The following MAP1A variants were observed in gnomAD, a reference collection of about 807,000 sequenced individuals.
MAP1A encodes the protein microtubule associated protein 1A.
In MAP1A, 42 loss-of-function variants were observed where a neutral mutation model predicts 185.9. That is an observed-to-expected ratio of 0.23 (90% CI 0.18 to 0.29). The LOEUF (loss-of-function observed/expected upper bound fraction) is 0.29, where lower values mean the gene tolerates loss of function less well. MAP1A is among the 10% of genes least tolerant of loss of function. The pLI, the probability that MAP1A is intolerant of heterozygous loss-of-function variation, is 1.00. For synonymous variants in MAP1A, 1,229 were observed against 1,335.9 expected, an observed-to-expected ratio of 0.92 and a Z score of 1.74; for missense variants, 2,995 against 3,450.4, an observed-to-expected ratio of 0.87 and a Z score of 3.31.
At chr15:43,511,815 ACCTAGAAT>A (rs941178883) in intron 1 of MAP1A, among the ~76,000 whole-genome samples, 3 of 152,200 alleles carry the variant, frequency 2.0e-5, no homozygotes, top group Admixed American at 2.0e-4. Context: ...CAGAAGGCGA[ACCTAGAAT>A]CCTACTTAGC....
At chr15:43,520,843 T>C (rs1302118350) in intron 2 of MAP1A, 120 bp downstream of exon 2, 1 of 1,298,680 alleles carries the variant, frequency 7.7e-7, no homozygotes, top group Non-Finnish European at 1.1e-6. Flanking sequence ...TGACGTATTG[T>C]CTCCAGCCCA....
At position 43,528,571 on chromosome 15, in the gene MAP1A, C is replaced by G. The variant is rs993370990; in HGVS notation, c.7098C>G (p.Ser2366Arg). Reference protein sequence around the residue: ...DCAANGPTETSPNPPGPAPAK... With the variant: ...DCAANGPTETRPNPPGPAPAK... Reference sequence around the variant, plus strand: ...CAGCCAATGGCCCAACTGAAACCAGCCCTAACCCCCCAGGCCCTGCCCCAG... The same window carrying G: ...CAGCCAATGGCCCAACTGAAACCAGGCCTAACCCCCCAGGCCCTGCCCCAG... The change falls in exon 4 of 6, where the codon AGC (serine) becomes AGG (arginine). Residue 2366 changes from serine (S) to arginine (R), a missense_variant. Physicochemically the swap from Ser to Arg is moderately radical, Grantham distance 110. Transcript: ENST00000300231. The G allele has an allele frequency of 3.1e-6, 5 of 1,613,668 alleles. No homozygotes were observed. The highest frequency in any genetic ancestry group is 1.3e-5 in the African/African-American group (1 of 74,936).
At position 43,529,252 on chromosome 15, in the gene MAP1A, G is replaced by A. The variant is rs200655610; in HGVS notation, c.7779G>A (p.Glu2593=). ...EGLSSESGRV[E]RLREKEKVQG... ...TCAGCTCAGAGTCTGGGAGAGTAGA[G>A]AGGCTACGGGAGAAGGAAAAGGTTC... The change falls in exon 4 of 6, where the codon GAG becomes GAA. Residue 2593 remains glutamate, a synonymous_variant. Coordinates refer to ENST00000300231, the MANE Select transcript of MAP1A (RefSeq NM_002373.6). The surrounding 1 kb of genome is among the most constrained non-coding windows in gnomAD (Gnocchi z 4.3). The A allele has an allele frequency of 4.8e-5, 78 of 1,613,274 alleles. No homozygotes were observed. The highest frequency in any genetic ancestry group is 6.3e-5 in the Non-Finnish European group (74 of 1,179,642).
rs558909225 is a variant in MAP1A, at chr15:43,521,166, G to C, written c.-151+54G>C. The C allele has an allele frequency of 6.6e-7, 1 of 1,507,230 alleles. No individual in the cohort carries two copies. The highest frequency in any genetic ancestry group is 1.3e-5 in the South Asian group (1 of 79,392). 93.4% of individuals were successfully genotyped at this position (1,507,230 alleles called of 1,614,324 possible). A position where few individuals can be genotyped will look rare whatever the true frequency, so the allele number is the denominator to read the frequency against. On this transcript the variant is annotated intron_variant, in intron 3 of 5. Coordinates refer to ENST00000300231, the MANE Select transcript of MAP1A (RefSeq NM_002373.6). This position sits in a 1 kb window ranked among gnomAD's most constrained non-coding sequence, Gnocchi z 4.6. ...AAAGGGTAGCACTAGAGCTGTGGGA[G>C]GGATCTAAGGGAAAGTCTCATATTG...
chr15:43,523,394 A>G lies in MAP1A; in HGVS notation c.1921A>G (p.Arg641Gly). The G allele has an allele frequency of 1.9e-6, 3 of 1,612,704 alleles. No homozygotes were observed. The highest frequency in any genetic ancestry group is 2.5e-6 in the Non-Finnish European group (3 of 1,179,242). The change falls in exon 4 of 6, where the codon AGA becomes GGA. Residue 641 changes from arginine to glycine, a missense_variant. This residue lies in a region of MAP1A where 2,728 missense variants were observed against 2,986.0 expected (regional missense o/e 0.91). Coordinates refer to ENST00000300231, the MANE Select transcript of MAP1A (RefSeq NM_002373.6). ...AERLPDRTEAREESEPEVKED... is the reference protein window; with the variant it reads ...AERLPDRTEAGEESEPEVKED... Reference sequence around the variant, plus strand: ...GAGGCTCCCAGACAGAACAGAAGCCAGAGAGGAAAGTGAACCTGAAGTAAA... The same window carrying G: ...GAGGCTCCCAGACAGAACAGAAGCCGGAGAGGAAAGTGAACCTGAAGTAAA...
chr15:43,518,241 A>G lies in MAP1A; in HGVS notation c.-375+541A>G, dbSNP rs528034241. On this transcript the variant is annotated intron_variant, in intron 1 of 5. Coordinates refer to ENST00000300231, the MANE Select transcript of MAP1A (RefSeq NM_002373.6). ...ACTAAGACGTGGCACGCGCCTCCTT[A>G]CAGACCAACCGGTTTGCAGTGGGCT... Among the ~76,000 whole-genome samples the G allele has an allele frequency of 3.3e-5, 5 of 152,184 alleles. No homozygotes were observed. In the South Asian group the frequency reaches 1.0e-3, roughly 32 times the overall value.
In MAP1A at chr15:43,529,029, CTG is replaced by C. The variant is rs1228257278; in HGVS notation, c.7557_7558del (p.Glu2520GlyfsTer8). ...TCAGATTCTGATGTCCCGCCAGAAA[CTG>C]AGGAGTGTCCGTCCATCACAGCTGA... is the stretch of plus-strand genomic sequence containing the variant. On this transcript the variant is annotated frameshift_variant, in exon 4 of 6. Coordinates refer to ENST00000300231, the MANE Select transcript of MAP1A (RefSeq NM_002373.6). LOFTEE classifies it high-confidence loss of function. The surrounding 1 kb of genome is among the most constrained non-coding windows in gnomAD (Gnocchi z 4.3). 1 of 1,613,778 alleles carries C rather than the reference CTG, an allele frequency of 6.2e-7. No individual in the cohort carries two copies. The highest frequency in any genetic ancestry group is 8.5e-7 in the Non-Finnish European group (1 of 1,180,030).
Position 43,530,419 on chromosome 15 carries a change from C to T in MAP1A, c.*195C>T. On this transcript the variant is annotated 3_prime_UTR_variant, in exon 6 of 6. Coordinates refer to ENST00000300231, the MANE Select transcript of MAP1A (RefSeq NM_002373.6). ...TCCATTCCTGTGAGGTGTCTCAAAC[C>T]AAAGTTAACAGGGAGAGGATGGGGG... 1 of 636,038 alleles carries T rather than the reference C, an allele frequency of 1.6e-6. No individual in the cohort carries two copies. The highest frequency in any genetic ancestry group is 2.7e-6 in the Non-Finnish European group (1 of 373,358). The allele number at this position is 636,038 out of a possible 1,614,324, so 39.4% of individuals were successfully genotyped here. A position where few individuals can be genotyped will look rare whatever the true frequency, so the allele number is the denominator to read the frequency against.
In MAP1A at chr15:43,529,674, C is replaced by G; in HGVS notation, c.8060C>G (p.Ser2687Cys). 1 of 1,614,142 alleles carries G rather than the reference C, an allele frequency of 6.2e-7. No individual in the cohort carries two copies. Among genetic ancestry groups the G allele is most frequent in the Non-Finnish European group, 8.5e-7 (1 of 1,179,986 alleles). The change falls in exon 5 of 6, where the codon TCT (serine) becomes TGT (cysteine). Residue 2687 changes from serine (S) to cysteine (C), a missense_variant. Physicochemically the swap from Ser to Cys is moderately radical, Grantham distance 112. This residue lies in a region of MAP1A where 2,728 missense variants were observed against 2,986.0 expected (regional missense o/e 0.91). Transcript: ENST00000300231. The surrounding 1 kb of genome is among the most constrained non-coding windows in gnomAD (Gnocchi z 4.3). ...GPMALSSKGS[S>C]GAPVYVDLAY... ...GTGGCCTTGAGTTCCAAGGGCAGCTCTGGTGCCCCTGTATATGTGGATCTC... is the reference window on the plus strand; with the variant it reads ...GTGGCCTTGAGTTCCAAGGGCAGCTGTGGTGCCCCTGTATATGTGGATCTC...
At chr15:43,511,604 G>C (rs187547272) in intron 1 of MAP1A, among the ~76,000 whole-genome samples, 47 of 152,320 alleles carry the variant, frequency 3.1e-4, no homozygotes, top group South Asian at 1.0e-3. Flanking sequence ...CCCTGAACCA[G>C]CACGGGGAGC....
chr15:43,517,225 A>G (rs928401281), upstream of MAP1A, among the ~76,000 whole-genome samples: 3 of 151,834 alleles, frequency 2.0e-5, no homozygotes, highest in African/African-American at 7.3e-5. Flanking sequence ...ACTGAAGGTC[A>G]CTCCCTGGAT....
In MAP1A at chr15:43,524,220, C is replaced by T. The variant is rs372325128; in HGVS notation, c.2747C>T (p.Ser916Phe). ...GFKSPPCEDF[S>F]VTGESEKRGE... Reference sequence around the variant, plus strand: ...AAATCACCACCCTGTGAGGACTTCTCTGTGACTGGGGAGTCAGAGAAGAGA... The same window carrying T: ...AAATCACCACCCTGTGAGGACTTCTTTGTGACTGGGGAGTCAGAGAAGAGA... The change falls in exon 4 of 6, where the codon TCT becomes TTT. Residue 916 changes from serine to phenylalanine, a missense_variant. Coordinates refer to ENST00000300231, the MANE Select transcript of MAP1A (RefSeq NM_002373.6). The T allele has an allele frequency of 1.1e-5, 18 of 1,614,066 alleles. No individual in the cohort carries two copies. Among genetic ancestry groups the T allele is most frequent in the Non-Finnish European group, 1.5e-5 (18 of 1,180,036 alleles).
In MAP1A at chr15:43,521,900, C is replaced by G; in HGVS notation, c.427C>G (p.Leu143Val). Residue 143 changes from leucine (L) to valine (V), a missense_variant, in exon 4 of 6, where the codon CTG becomes GTG. Around this residue, in one of 3 missense-constraint regions of MAP1A, gnomAD observed 264 missense variants for 435.3 expected, o/e 0.61. Coordinates refer to ENST00000300231, the MANE Select transcript of MAP1A (RefSeq NM_002373.6). The surrounding 1 kb of genome is among the most constrained non-coding windows in gnomAD (Gnocchi z 4.6). Reference sequence around the variant, plus strand: ...TGTCTTTTTCAACGTGCCTGAGAAGCTGCGGCTTCCTGATGCCTCCCGGAA... The same window carrying G: ...TGTCTTTTTCAACGTGCCTGAGAAGGTGCGGCTTCCTGATGCCTCCCGGAA... ...GVVFFNVPEK[L>V]RLPDASRKAK... The G allele has an allele frequency of 6.2e-7, 1 of 1,614,206 alleles. No homozygotes were observed.
At position 43,529,825 on chromosome 15, in the gene MAP1A, G is replaced by A; in HGVS notation, c.8211G>A (p.Leu2737=). The A allele has an allele frequency of 1.2e-6, 2 of 1,614,080 alleles. No individual in the cohort carries two copies. Among genetic ancestry groups the A allele is most frequent in the African/African-American group, 1.3e-5 (1 of 75,056 alleles). ...ATGGCGAGCCAAGCCGGGCTGTGCT[G>A]GATGCCCTGCTGGAGGGCAAGGCCC... ...PANGEPSRAV[L]DALLEGKAQW... is the part of the protein sequence containing the mutation. The change falls in exon 5 of 6, where the codon CTG becomes CTA. Residue 2737 remains leucine (L), a synonymous_variant. Transcript: ENST00000300231. The surrounding 1 kb of genome is among the most constrained non-coding windows in gnomAD (Gnocchi z 4.3).
Position 43,528,242 on chromosome 15 carries a change from G to A in MAP1A, c.6769G>A (p.Glu2257Lys). Residue 2257 changes from glutamate (E) to lysine (K), a missense_variant, in exon 4 of 6, where the codon GAG becomes AAG. Physicochemically the swap from Glu to Lys is moderately conservative, Grantham distance 56. Coordinates refer to ENST00000300231, the MANE Select transcript of MAP1A (RefSeq NM_002373.6). ...LPRPASPALSEGSSSEATTPV... is the reference protein window; with the variant it reads ...LPRPASPALSKGSSSEATTPV... ...ACGACCTGCCTCACCAGCCCTGTCTGAGGGCTCCTCCTCTGAGGCTACCAC... is the reference window on the plus strand; with the variant it reads ...ACGACCTGCCTCACCAGCCCTGTCTAAGGGCTCCTCCTCTGAGGCTACCAC... 1 of 1,614,050 alleles carries A rather than the reference G, an allele frequency of 6.2e-7. No individual in the cohort carries two copies. Among genetic ancestry groups the A allele is most frequent in the Non-Finnish European group, 8.5e-7 (1 of 1,180,022 alleles).
In MAP1A at chr15:43,527,540, C is replaced by G; in HGVS notation, c.6067C>G (p.Pro2023Ala). The G allele has an allele frequency of 6.2e-7, 1 of 1,614,090 alleles. No individual in the cohort carries two copies. The highest frequency in any genetic ancestry group is 8.5e-7 in the Non-Finnish European group (1 of 1,179,996). Residue 2023 changes from proline to alanine, a missense_variant, in exon 4 of 6, where the codon CCC (proline) becomes GCC (alanine). Around this residue, in one of 3 missense-constraint regions of MAP1A, gnomAD observed 2,728 missense variants for 2,986.0 expected, o/e 0.91. Coordinates refer to ENST00000300231, the MANE Select transcript of MAP1A (RefSeq NM_002373.6). ...AEKELSSPIS[P>A]KSLQSDTPTF... ...GAAGGAGCTTTCATCTCCTATCTCA[C>G]CCAAGAGCCTCCAGTCTGACACTCC...
chr15:43,521,204 G>C lies in MAP1A; in HGVS notation c.-151+92G>C. Reference sequence around the variant, plus strand: ...AAGTCTCATATTGCATGACCATGGGGGGCCCTGGCAGAAAGGTAAGAGTCC... The same window carrying C: ...AAGTCTCATATTGCATGACCATGGGCGGCCCTGGCAGAAAGGTAAGAGTCC... On this transcript the variant is annotated intron_variant, in intron 3 of 5. Transcript: ENST00000300231. This position sits in a 1 kb window ranked among gnomAD's most constrained non-coding sequence, Gnocchi z 4.6. 1 of 1,475,222 alleles carries C rather than the reference G, an allele frequency of 6.8e-7. No individual in the cohort carries two copies. Among genetic ancestry groups the C allele is most frequent in the African/African-American group, 1.4e-5 (1 of 70,816 alleles). 91.4% of individuals were successfully genotyped at this position (1,475,222 alleles called of 1,614,324 possible).
Position 43,529,428 on chromosome 15 carries a change from G to A in MAP1A, c.7955G>A (p.Ser2652Asn). 1.2e-6 allele frequency: 2 copies of A among 1,613,954 alleles called. No individual in the cohort carries two copies. The highest frequency in any genetic ancestry group is 1.1e-5 in the South Asian group (1 of 91,080). Residue 2652 changes from serine (S) to asparagine (N), a missense_variant, in exon 4 of 6, where the codon AGC becomes AAC. By Grantham distance (46) the Ser-to-Asn change is conservative. Coordinates refer to ENST00000300231, the MANE Select transcript of MAP1A (RefSeq NM_002373.6). The surrounding 1 kb of genome is among the most constrained non-coding windows in gnomAD (Gnocchi z 4.3). ...CCACCTCGACCACGCAGCACCACAA[G>A]CCAGGTCACCCCAGCAGAGGAAAAG... ...RAPPRPRSTT[S>N]QVTPAEEKDG...
Position 43,523,563 on chromosome 15 carries a change from A to G in MAP1A, c.2090A>G (p.Glu697Gly). The change falls in exon 4 of 6, where the codon GAG (glutamate) becomes GGG (glycine). Residue 697 changes from glutamate to glycine, a missense_variant. Glu to Gly is a moderately conservative substitution (Grantham distance 98). Around this residue, in one of 3 missense-constraint regions of MAP1A, gnomAD observed 2,728 missense variants for 2,986.0 expected, o/e 0.91. Coordinates refer to ENST00000300231, the MANE Select transcript of MAP1A (RefSeq NM_002373.6). ...TTGAAGGTAACTCCAAGGAGCCGGG[A>G]GGCTTTTGGGGGTCGGGAATTGGGA... ...EPLKVTPRSREAFGGRELGLQ... is the reference protein window; with the variant it reads ...EPLKVTPRSRGAFGGRELGLQ... 2 of 1,614,166 alleles carry G rather than the reference A, an allele frequency of 1.2e-6. No homozygotes were observed. The highest frequency in any genetic ancestry group is 1.7e-6 in the Non-Finnish European group (2 of 1,180,018).
Sources: allele counts gnomAD v4.1 joint callset (sites outside exome capture counted in the v4.1 genomes callset), GRCh38; gene constraint gnomAD v4.1.1; regional missense constraint gnomAD v4.1.1; non-coding constraint Gnocchi (gnomAD v3.1); transcripts MANE v1.5; gene names NCBI Gene and HGNC (gene_info 2026-07-23, HGNC 2026-07-21).